The following CATSPERT variants were observed in gnomAD, a reference collection of about 807,000 sequenced individuals.
CATSPERT encodes the protein cation channel sperm-associated targeting subunit tau.
chr2:201,530,734 G>A, the CATSPERT span, among the ~76,000 whole-genome samples: 2 of 152,092 alleles, frequency 1.3e-5, no homozygotes, highest in African/African-American at 2.4e-5. Flanking sequence ...CTCAATTAGA[G>A]CTCTTACCAC....
chr2:201,487,427 T>C, the CATSPERT span: 2 of 611,566 alleles, frequency 3.3e-6, no homozygotes, highest in Admixed American at 6.5e-5. Flanking sequence ...CAAATGTGTT[T>C]GTTTTTCATT....
chr2:201,578,720 G>T, the CATSPERT span, among the ~76,000 whole-genome samples: 1 of 152,074 alleles, frequency 6.6e-6, no homozygotes, highest in Non-Finnish European at 1.5e-5. Context: ...TATTATTCAT[G>T]ATCTTATAAA....
the CATSPERT span, among the ~76,000 whole-genome samples, chr2:201,615,838 G>C: frequency 6.6e-6 from 1 of 151,908 alleles, no homozygotes; most frequent in Admixed American, 6.6e-5. Flanking sequence ...AAAGAGAGAA[G>C]AATCAAATAG....
the CATSPERT span, among the ~76,000 whole-genome samples, chr2:201,616,981 C>T: frequency 1.6e-4 from 25 of 152,114 alleles, no homozygotes; most frequent in African/African-American, 5.3e-4. Flanking sequence ...GAATAAAATA[C>T]CTAGGAATCC....
At chr2:201,530,066 G>T in the CATSPERT span, among the ~76,000 whole-genome samples, 20 of 152,206 alleles carry the variant, frequency 1.3e-4, no homozygotes, top group South Asian at 3.9e-3. Context: ...ATCATTTCAT[G>T]CCTGTTACAA....
At chr2:201,613,559 T>A in the CATSPERT span, among the ~76,000 whole-genome samples, 1 of 152,036 alleles carries the variant, frequency 6.6e-6, no homozygotes, top group African/African-American at 2.4e-5. Flanking sequence ...TACATCACCA[T>A]CATCAAAGAC....
chr2:201,509,398 T>C, the CATSPERT span, among the ~76,000 whole-genome samples: 2 of 150,962 alleles, frequency 1.3e-5, no homozygotes, highest in African/African-American at 2.5e-5. Flanking sequence ...AGATATATGA[T>C]TTGCAAATGT....
At chr2:201,517,367 G>A in the CATSPERT span, among the ~76,000 whole-genome samples, 2,061 of 152,186 alleles carry the variant, frequency 0.014, 20 homozygotes, top group Non-Finnish European at 0.022. Flanking sequence ...ATTTGCCACC[G>A]AAATCCAAGG....
the CATSPERT span, among the ~76,000 whole-genome samples, chr2:201,532,191 AG>A: frequency 6.6e-6 from 1 of 152,216 alleles, no homozygotes; most frequent in African/African-American, 2.4e-5. Context: ...AACAGTTTAG[AG>A]GTGCCATTTA....
the CATSPERT span, among the ~76,000 whole-genome samples, chr2:201,579,858 T>TC: frequency 6.6e-6 from 1 of 150,794 alleles, no homozygotes; most frequent in Non-Finnish European, 1.5e-5. Context: ...TTTTTCTTTT[T>TC]TTTTTTTTTT....
the CATSPERT span, among the ~76,000 whole-genome samples, chr2:201,562,519 T>TTA: frequency 6.3e-5 from 7 of 111,122 alleles, no homozygotes; most frequent in African/African-American, 1.6e-4. Context: ...TATTTATTTA[T>TTA]TTATTTATTT....
chr2:201,494,800 A>G, the CATSPERT span: 28 of 1,448,348 alleles, frequency 1.9e-5, no homozygotes, highest in Non-Finnish European at 2.4e-5. Context: ...GGTAGCAATG[A>G]TTTTGAATTT....
At chr2:201,599,326 A>G in the CATSPERT span, among the ~76,000 whole-genome samples, 2 of 152,008 alleles carry the variant, frequency 1.3e-5, no homozygotes, top group Non-Finnish European at 2.9e-5. Flanking sequence ...TTTTGCCTTC[A>G]TGTTTCTAAG....
chr2:201,493,969 GA>G, the CATSPERT span: 2 of 1,536,824 alleles, frequency 1.3e-6, no homozygotes, highest in African/African-American at 2.7e-5. Flanking sequence ...ACCCCCTTCT[GA>G]AAGTGAATAT....
At chr2:201,500,559 G>A in the CATSPERT span, among the ~76,000 whole-genome samples, 2 of 151,990 alleles carry the variant, frequency 1.3e-5, no homozygotes, top group African/African-American at 2.4e-5. Context: ...CACAGAGGCC[G>A]ACTTAGGTGA....
chr2:201,510,423 G>A, the CATSPERT span, among the ~76,000 whole-genome samples: 2 of 152,046 alleles, frequency 1.3e-5, no homozygotes, highest in Non-Finnish European at 2.9e-5. Context: ...CAGCCTAGGT[G>A]ACAAAGCAAG....
chr2:201,509,879 A>G, the CATSPERT span, among the ~76,000 whole-genome samples: 2 of 150,712 alleles, frequency 1.3e-5, no homozygotes, highest in South Asian at 4.1e-4. Context: ...TCCATTCCTT[A>G]CTCCCCAAAT....
At chr2:201,510,611 C>G in the CATSPERT span, among the ~76,000 whole-genome samples, 3 of 151,934 alleles carry the variant, frequency 2.0e-5, no homozygotes, top group Non-Finnish European at 4.4e-5. Context: ...TGCTGACAGA[C>G]AAGAATAAGT....
chr2:201,530,961 G>GT, the CATSPERT span, among the ~76,000 whole-genome samples: 273 of 106,044 alleles, frequency 2.6e-3, 3 homozygotes, highest in African/African-American at 4.4e-3. Context: ...TTTTTTGTGG[G>GT]TTTTTTTTTT....
Sources: gnomAD v4.1 joint callset for allele counts (sites outside exome capture counted in the v4.1 genomes callset) on GRCh38, gnomAD v4.1.1 for gene constraint, MANE v1.5 for transcripts, NCBI Gene and HGNC (gene_info 2026-07-23, HGNC 2026-07-21) for gene names.